STK39: variants seen among roughly 807,000 people sequenced by gnomAD.
The protein encoded by STK39 is serine/threonine kinase 39, also known as STE20/SPS1-related proline-alanine-rich protein kinase.
In STK39, 20 loss-of-function variants were observed where a neutral mutation model predicts 77.8. That is an observed-to-expected ratio of 0.26 (90% CI 0.18 to 0.37). The LOEUF (loss-of-function observed/expected upper bound fraction) is 0.37. Among genes scored for constraint, STK39 ranks in the 10% least tolerant of loss-of-function variants. The probability of loss-of-function intolerance (pLI) is 1.00; values close to 1 mark genes in which losing one functional copy is unlikely to be tolerated. For synonymous variants in STK39, 246 were observed against 234.1 expected (o/e 1.05, Z -0.47); for missense variants, 479 against 656.5 (o/e 0.73, Z 2.95).
chr2:168,218,174 G>C (rs938205509), intron 1 of STK39, among the ~76,000 whole-genome samples: 2 of 152,224 alleles, frequency 1.3e-5, no homozygotes, highest in East Asian at 3.8e-4. Context: ...AATTGGAAGA[G>C]AGTTCCCAGA....
intron 1 of STK39, among the ~76,000 whole-genome samples, chr2:168,226,355 TC>T (rs1449646658): frequency 6.6e-6 from 1 of 152,058 alleles, no homozygotes; most frequent in African/African-American, 2.4e-5. Flanking sequence ...GTCCCCCTAT[TC>T]CCACATCTAC....
chr2:167,983,339 C>T (rs1324304829), intron 16 of STK39, among the ~76,000 whole-genome samples: 4 of 150,846 alleles, frequency 2.7e-5, no homozygotes, highest in African/African-American at 7.3e-5. Context: ...ATTAGCTGGG[C>T]GTGGTGTCAC....
At chr2:168,029,531 G>A (rs910035697) in intron 14 of STK39, among the ~76,000 whole-genome samples, 2 of 152,088 alleles carry the variant, frequency 1.3e-5, no homozygotes, top group African/African-American at 4.8e-5. Flanking sequence ...CCTGAGTGAT[G>A]GCATTTCTGC....
intron 1 of STK39, among the ~76,000 whole-genome samples, chr2:168,209,353 A>G (rs1375872560): frequency 1.3e-5 from 2 of 152,192 alleles, no homozygotes; most frequent in Non-Finnish European, 2.9e-5. Context: ...TTAGATATAT[A>G]TAACTTTGAA....
intron 10 of STK39, among the ~76,000 whole-genome samples, chr2:168,095,617 C>CTCTT (rs199938757): frequency 8.8e-6 from 1 of 113,992 alleles, no homozygotes; most frequent in East Asian, 2.6e-4. Context: ...ACTCGTGTAT[C>CTCTT]TCTTTCTTTT....
At chr2:168,169,192 G>A (rs183354769) in intron 2 of STK39, among the ~76,000 whole-genome samples, 5 of 152,140 alleles carry the variant, frequency 3.3e-5, no homozygotes, top group Admixed American at 3.3e-4. Context: ...GAAACCTGAG[G>A]TTCAGTTTCC....
chr2:168,170,376 T>A (rs1439585559), intron 2 of STK39, among the ~76,000 whole-genome samples: 1 of 152,206 alleles, frequency 6.6e-6, no homozygotes, highest in African/African-American at 2.4e-5. Context: ...TTTGAAAATA[T>A]AAAAATGTTT....
At chr2:167,972,301 T>C (rs189882972) in intron 16 of STK39, among the ~76,000 whole-genome samples, 6 of 152,344 alleles carry the variant, frequency 3.9e-5, no homozygotes, top group African/African-American at 1.4e-4. Flanking sequence ...AGGCTGATCT[T>C]GAGCTATAGT....
intron 1 of STK39, among the ~76,000 whole-genome samples, chr2:168,230,099 C>T (rs1690415530): frequency 6.6e-6 from 1 of 152,176 alleles, no homozygotes; most frequent in Non-Finnish European, 1.5e-5. Flanking sequence ...TATTCATCTT[C>T]CTTGTGCTAA....
chr2:168,234,798 A>C (rs74980160), intron 1 of STK39, among the ~76,000 whole-genome samples: 9 of 150,800 alleles, frequency 6.0e-5, no homozygotes, highest in African/African-American at 1.4e-4. Flanking sequence ...TAAAGACATA[A>C]GATTTTTACT....
At chr2:168,182,544 T>C (rs1689106221) in intron 1 of STK39, among the ~76,000 whole-genome samples, 1 of 152,182 alleles carries the variant, frequency 6.6e-6, no homozygotes, top group African/African-American at 2.4e-5. Context: ...TGCTCCACAA[T>C]GAGAAAAACA....
chr2:167,994,634 C>G (rs545407213), intron 16 of STK39, among the ~76,000 whole-genome samples: 1 of 152,190 alleles, frequency 6.6e-6, no homozygotes, highest in Non-Finnish European at 1.5e-5. Flanking sequence ...AACCACAAAT[C>G]TACTTTCTAT....
chr2:168,069,077 C>G (rs562812541), intron 12 of STK39, among the ~76,000 whole-genome samples: 2 of 152,060 alleles, frequency 1.3e-5, no homozygotes, highest in African/African-American at 4.8e-5. Context: ...CCACCATGCT[C>G]GGCTAATTTT....
intron 1 of STK39, among the ~76,000 whole-genome samples, chr2:168,236,709 A>C (rs915279164): frequency 4.6e-5 from 7 of 152,224 alleles, no homozygotes; most frequent in South Asian, 2.1e-4. Context: ...ATAGGGAATC[A>C]TTTCCCCATT....
chr2:168,188,893 T>C (rs114682897), intron 1 of STK39, among the ~76,000 whole-genome samples: 3,951 of 152,204 alleles, frequency 0.026, 108 homozygotes, highest in East Asian at 0.079. Context: ...TGGATAACAG[T>C]GCACAAACCG....
At chr2:168,154,158 G>T (rs1011761757) in intron 5 of STK39, among the ~76,000 whole-genome samples, 1 of 152,172 alleles carries the variant, frequency 6.6e-6, no homozygotes, top group East Asian at 1.9e-4. Flanking sequence ...GAACGACAAG[G>T]ATCGAGGAAT....
chr2:168,068,418 C>T (rs979440285), intron 12 of STK39, among the ~76,000 whole-genome samples: 1 of 152,174 alleles, frequency 6.6e-6, no homozygotes, highest in Non-Finnish European at 1.5e-5. Context: ...ATGTGCTATC[C>T]TGGATTGGAT....
In STK39 at chr2:168,057,422, A is replaced by G. The variant is rs143266648; in HGVS notation, c.1376+6078T>C. Among the ~76,000 whole-genome samples the G allele has an allele frequency of 1.6e-3, 236 of 152,254 alleles. 3 individuals are homozygous for G. The East Asian group carries it at 0.026, about 17-fold the overall frequency. On this transcript the variant is annotated intron_variant, in intron 14 of 17. Transcript: ENST00000355999. The stretch of plus-strand genomic sequence containing the variant: ...TGGCCAGGCTGATCTCGAACTCCTG[A>G]CCTCAAGTGATCTGCCTGCCTTGGC...
chr2:168,135,214 T>C (rs1687799066), intron 8 of STK39, among the ~76,000 whole-genome samples: 1 of 151,818 alleles, frequency 6.6e-6, no homozygotes, highest in South Asian at 2.1e-4. Flanking sequence ...CAACATACTG[T>C]AGTTATTGCA....
Sources: allele counts gnomAD v4.1 joint callset (sites outside exome capture counted in the v4.1 genomes callset), GRCh38; gene constraint gnomAD v4.1.1; transcripts MANE v1.5; gene names NCBI Gene and HGNC (gene_info 2026-07-23, HGNC 2026-07-21).